Variants in NELL1 observed in about 807,000 individuals in gnomAD.
NELL1 encodes protein kinase C-binding protein NELL1.
In NELL1, 76 loss-of-function variants were observed where a neutral mutation model predicts 107.4. That is an observed-to-expected ratio of 0.71 (90% CI 0.59 to 0.86). The LOEUF is 0.86. Among genes scored for constraint, NELL1 ranks in the 40% least tolerant of loss-of-function variants. NELL1 has a pLI of 0.00. For missense variants in NELL1, 1,024 were observed against 1,005.5 expected (o/e 1.02, Z -0.25); for synonymous variants, 353 against 341.2 (o/e 1.03, Z -0.38).
intron 15 of NELL1, among the ~76,000 whole-genome samples, chr11:21,524,840 C>A (rs1031443036): frequency 6.6e-6 from 1 of 152,084 alleles, no homozygotes; most frequent in East Asian, 1.9e-4. Flanking sequence ...AGTTTCATAG[C>A]AGTCAAATTT....
chr11:21,570,782 C>T lies in NELL1; in HGVS notation c.1999C>T (p.Arg667Ter), dbSNP rs974186581. ...TAAACAGGATGGCAAGATATTCTGC[C>T]GACGGACAGCTTGTGATTGCCAGAA... is the stretch of plus-strand genomic sequence containing the variant. ...CSCKDGKIFC[R>*]RTACDCQNPS... The change falls in exon 18 of 20, where the codon CGA (arginine) becomes TGA (stop). Residue 667 changes from arginine to a stop codon, truncating the protein, a stop_gained. Transcript: ENST00000357134. LOFTEE classifies it high-confidence loss of function. The T allele has an allele frequency of 3.1e-6, 5 of 1,611,208 alleles. No individual in the cohort carries two copies. The highest frequency in any genetic ancestry group is 1.3e-5 in the African/African-American group (1 of 74,674).
intron 12 of NELL1, among the ~76,000 whole-genome samples, chr11:20,988,452 T>C (rs1311014108): frequency 7.4e-6 from 1 of 134,434 alleles, no homozygotes; most frequent in Non-Finnish European, 1.6e-5. Context: ...TATATACACA[T>C]GTACATATAT....
At chr11:21,366,789 A>G (rs1851232414) in intron 14 of NELL1, among the ~76,000 whole-genome samples, 1 of 152,118 alleles carries the variant, frequency 6.6e-6, no homozygotes. Flanking sequence ...CTTCTAACAG[A>G]TGGTGTTGAA....
intron 2 of NELL1, among the ~76,000 whole-genome samples, chr11:20,701,051 A>C (rs1402041081): frequency 6.6e-6 from 1 of 152,154 alleles, no homozygotes; most frequent in Admixed American, 6.5e-5. Context: ...GTCAAATGGT[A>C]TTTCTAGTTC....
chr11:21,472,562 T>C (rs138408558), intron 15 of NELL1, among the ~76,000 whole-genome samples: 676 of 152,160 alleles, frequency 4.4e-3, no homozygotes, highest in Non-Finnish European at 7.1e-3. Flanking sequence ...ACGTGTCTTG[T>C]TATCTCATTA....
intron 8 of NELL1, among the ~76,000 whole-genome samples, 179 bp from the exon 9 acceptor site, chr11:20,928,198 T>A (rs1181666137): frequency 1.3e-5 from 2 of 152,102 alleles, no homozygotes; most frequent in African/African-American, 4.8e-5. Context: ...GTAATTGAGG[T>A]GGTACAGGTC....
At chr11:20,942,839 G>A (rs1319440392) in intron 10 of NELL1, among the ~76,000 whole-genome samples, 2 of 152,144 alleles carry the variant, frequency 1.3e-5, no homozygotes, top group African/African-American at 4.8e-5. Flanking sequence ...CTTAAAATTA[G>A]CAAATCCTTT....
chr11:21,356,457 C>T (rs980754222), intron 14 of NELL1, among the ~76,000 whole-genome samples: 1 of 152,078 alleles, frequency 6.6e-6, no homozygotes, highest in Non-Finnish European at 1.5e-5. Flanking sequence ...CACCAGTAGA[C>T]CCACTAGTAG....
At chr11:21,314,518 T>C (rs1849829536) in intron 14 of NELL1, among the ~76,000 whole-genome samples, 1 of 152,162 alleles carries the variant, frequency 6.6e-6, no homozygotes, top group African/African-American at 2.4e-5. Flanking sequence ...TTAATAAATG[T>C]TAGCTGTTAT....
intron 3 of NELL1, among the ~76,000 whole-genome samples, chr11:20,804,169 A>G (rs1040840295): frequency 1.3e-5 from 2 of 152,050 alleles, no homozygotes; most frequent in African/African-American, 2.4e-5. Flanking sequence ...TTGCTGTATC[A>G]TGTAGGTTTT....
intron 15 of NELL1, among the ~76,000 whole-genome samples, chr11:21,387,236 A>G (rs972920115): frequency 6.6e-6 from 1 of 151,856 alleles, no homozygotes; most frequent in Non-Finnish European, 1.5e-5. Context: ...TTAAAATTGC[A>G]ATACTGAATC....
At chr11:20,888,875 C>T (rs1236925693) in intron 5 of NELL1, among the ~76,000 whole-genome samples, 3 of 152,180 alleles carry the variant, frequency 2.0e-5, no homozygotes, top group Non-Finnish European at 4.4e-5. Context: ...CATGGTCTCT[C>T]ATCTCCAATG....
chr11:21,100,313 C>T (rs556616368), intron 12 of NELL1, among the ~76,000 whole-genome samples: 3 of 152,186 alleles, frequency 2.0e-5, no homozygotes, highest in East Asian at 1.9e-4. Context: ...CCACCATGCT[C>T]GGCCTCCATT....
intron 15 of NELL1, among the ~76,000 whole-genome samples, chr11:21,514,640 A>T (rs1855514347): frequency 7.0e-6 from 1 of 142,182 alleles, no homozygotes; most frequent in Non-Finnish European, 1.6e-5. Context: ...ATCTGATTCA[A>T]TATTTAAATA....
chr11:21,101,910 C>CT (rs1854826801), intron 12 of NELL1, among the ~76,000 whole-genome samples: 1 of 152,120 alleles, frequency 6.6e-6, no homozygotes, highest in Non-Finnish European at 1.5e-5. Context: ...GTCATCCAGG[C>CT]TGTAGTGCAG....
chr11:21,447,946 A>T (rs79737746), intron 15 of NELL1, among the ~76,000 whole-genome samples: 7,217 of 152,116 alleles, frequency 0.047, 571 homozygotes, highest in African/African-American at 0.16. Context: ...GGCTAATCTA[A>T]ATGCTCTTTC....
chr11:20,755,563 T>TTATTTTTTTTTTATTTA (rs1937303056), intron 2 of NELL1, among the ~76,000 whole-genome samples: 1 of 19,114 alleles, frequency 5.2e-5, no homozygotes, highest in African/African-American at 1.4e-4. Flanking sequence ...TTTGTTTTTG[T>TTATTTTTTTTTTATTTA]TTTTTTTTTT....
intron 5 of NELL1, among the ~76,000 whole-genome samples, chr11:20,896,421 A>G (rs1849739677): frequency 6.6e-6 from 1 of 152,054 alleles, no homozygotes; most frequent in Non-Finnish European, 1.5e-5. Context: ...TGCAATTGAG[A>G]ATTGTGCTGC....
intron 16 of NELL1, among the ~76,000 whole-genome samples, chr11:21,555,925 A>G (rs578067235): frequency 2.0e-5 from 3 of 152,026 alleles, no homozygotes; most frequent in South Asian, 2.1e-4. Flanking sequence ...TGGCCAGCAC[A>G]TGATAGAGCA....
Sources: gnomAD v4.1 joint callset for allele counts (sites outside exome capture counted in the v4.1 genomes callset) on GRCh38, gnomAD v4.1.1 for gene constraint, MANE v1.5 for transcripts, NCBI Gene and HGNC (gene_info 2026-07-23, HGNC 2026-07-21) for gene names.